Variants in FSIP2 observed in about 807,000 individuals in gnomAD.
FSIP2 encodes the protein fibrous sheath interacting protein 2, also known as fibrous sheath-interacting protein 2.
In FSIP2, 367 loss-of-function variants were observed where a neutral mutation model predicts 510.5. The observed-to-expected ratio is 0.72, with a 90% confidence interval of 0.66 to 0.78. FSIP2 has a LOEUF of 0.78. Ranked by LOEUF, FSIP2 falls within the 30% of genes least tolerant of loss-of-function variation. The pLI, the probability that FSIP2 is intolerant of heterozygous loss-of-function variation, is 0.00. For missense variants in FSIP2, 7,594 were observed against 7,901.7 expected (o/e 0.96, Z 1.48); for synonymous variants, 2,601 against 2,732.2 (o/e 0.95, Z 1.50).
intron 19 of FSIP2, among the ~76,000 whole-genome samples, chr2:185,822,757 C>T (rs868679238): frequency 6.6e-6 from 1 of 151,670 alleles, no homozygotes; most frequent in Non-Finnish European, 1.5e-5. Flanking sequence ...GGAAAACAAT[C>T]TTAAAATAGA....
chr2:185,826,799 T>C (rs1425700085), intron 20 of FSIP2, among the ~76,000 whole-genome samples: 1 of 151,816 alleles, frequency 6.6e-6, no homozygotes, highest in African/African-American at 2.4e-5. Flanking sequence ...ACAAGAATTC[T>C]TTTTTGGTTA....
intron 15 of FSIP2, among the ~76,000 whole-genome samples, 169 bp downstream of exon 15, chr2:185,786,457 T>C (rs78957533): frequency 1.8e-4 from 28 of 152,096 alleles, no homozygotes; most frequent in Admixed American, 3.3e-4. Flanking sequence ...TTAATTCTTA[T>C]ACTTTTCTGT....
chr2:185,824,369 C>CTGG, intron 19 of FSIP2, 65 bp from the exon 20 acceptor site: 1 of 1,067,166 alleles, frequency 9.4e-7, no homozygotes, highest in East Asian at 2.4e-5. Flanking sequence ...TGTTCTTTTG[C>CTGG]TTAACCAGTA....
In FSIP2 at chr2:185,806,723, C is replaced by T; in HGVS notation, c.17417C>T (p.Thr5806Ile). 1.7e-5 allele frequency: 28 copies of T among 1,609,704 alleles called. No individual in the cohort carries two copies. Among genetic ancestry groups the T allele is most frequent in the Non-Finnish European group, 2.4e-5 (28 of 1,178,036 alleles). The change falls in exon 17 of 23, where the codon ACA becomes ATA. Residue 5806 changes from threonine (T) to isoleucine (I), a missense_variant. By Grantham distance (89) the Thr-to-Ile change is moderately conservative (BLOSUM62 -1). Transcript: ENST00000424728. Reference protein sequence around the residue: ...KQLIFSSIPETQIQDRCQNVS... With the variant: ...KQLIFSSIPEIQIQDRCQNVS... ...TTGATCTTTTCTTCTATACCAGAAACACAAATACAAGATAGATGTCAAAAT... is the reference window on the plus strand; with the variant it reads ...TTGATCTTTTCTTCTATACCAGAAATACAAATACAAGATAGATGTCAAAAT...
chr2:185,775,990 C>G (rs1692708809), intron 13 of FSIP2, among the ~76,000 whole-genome samples: 1 of 152,122 alleles, frequency 6.6e-6, no homozygotes, highest in Non-Finnish European at 1.5e-5. Context: ...TTACATTGTG[C>G]TGGGTGCAGT....
In FSIP2 at chr2:185,792,155, A is replaced by G; in HGVS notation, c.5019A>G (p.Pro1673=). 1 of 1,533,048 alleles carries G rather than the reference A, an allele frequency of 6.5e-7. No individual in the cohort carries two copies. Among genetic ancestry groups the G allele is most frequent in the Non-Finnish European group, 8.7e-7 (1 of 1,145,114 alleles). The allele number at this position is 1,533,048 out of a possible 1,614,324, so 95.0% of individuals were successfully genotyped here. A position where few individuals can be genotyped will look rare whatever the true frequency, so the allele number is the denominator to read the frequency against. Residue 1673 remains proline, a synonymous_variant, in exon 16 of 23, where the codon CCA becomes CCG. Transcript: ENST00000424728. ...TGAAGACAAGTGTAGAAAACCCACC[A>G]CCTGAGACTCAAATACTTAAGTATG... ...SDLKTSVENP[P]PETQILKYVV...
At position 185,802,286 on chromosome 2, in the gene FSIP2, C is replaced by T. The variant is rs545563498; in HGVS notation, c.12980C>T (p.Thr4327Ile). Residue 4327 changes from threonine (T) to isoleucine (I), a missense_variant, in exon 17 of 23, where the codon ACT becomes ATT. Physicochemically the swap from Thr to Ile is moderately conservative, Grantham distance 89. Transcript: ENST00000424728. ...AAGATTTTCAGCCCAAAGCATAACA[C>T]TGAAATTGAGTTGAAAAACATGACC... ...LSKIFSPKHN[T>I]EIELKNMTQR... 13 of 1,533,754 alleles carry T rather than the reference C, an allele frequency of 8.5e-6. No individual in the cohort carries two copies. The East Asian group carries it at 1.7e-4, about 20-fold the overall frequency.
chr2:185,787,941 ATTTTATTTTAT>A (rs763996434), intron 15 of FSIP2: 4 of 151,308 alleles, frequency 2.6e-5, no homozygotes, highest in South Asian at 2.1e-4. Context: ...TATTTGTATT[ATTTTATTTTAT>A]TTTTATTTTA....
Position 185,792,640 on chromosome 2 carries a change from C to T in FSIP2, c.5504C>T (p.Ser1835Leu), listed in dbSNP as rs767059672. ...FMDKMMDPLLSEADITIVTDN... is the reference protein window; with the variant it reads ...FMDKMMDPLLLEADITIVTDN... ...GATAAAATGATGGATCCTTTACTTT[C>T]GGAAGCAGATATAACCATAGTAACA... Residue 1835 changes from serine (S) to leucine (L), a missense_variant, in exon 16 of 23, where the codon TCG (serine) becomes TTG (leucine). Transcript: ENST00000424728. 73 of 1,533,864 alleles carry T rather than the reference C, an allele frequency of 4.8e-5. No homozygotes were observed. The highest frequency in any genetic ancestry group is 4.5e-4 in the African/African-American group (33 of 72,842).
Position 185,795,166 on chromosome 2 carries a change from C to A in FSIP2, c.8030C>A (p.Thr2677Lys). ...RSKITTLPKF[T>K]KKTHLGLSAA... is the part of the protein sequence containing the mutation. ...AAAATTACCACTTTGCCTAAATTTA[C>A]AAAAAAAACACACTTAGGACTGAGT... Residue 2677 changes from threonine to lysine, a missense_variant, in exon 16 of 23, where the codon ACA becomes AAA. By Grantham distance (78) the Thr-to-Lys change is moderately conservative. Coordinates refer to ENST00000424728, the MANE Select transcript of FSIP2 (RefSeq NM_173651.4). 1 of 1,532,656 alleles carries A rather than the reference C, an allele frequency of 6.5e-7. No individual in the cohort carries two copies. The highest frequency in any genetic ancestry group is 8.7e-7 in the Non-Finnish European group (1 of 1,145,444). The allele number at this position is 1,532,656 out of a possible 1,614,324, so 94.9% of individuals were successfully genotyped here.
At chr2:185,797,561 G>C in intron 16 of FSIP2, 35 bp downstream of exon 16, 1 of 1,465,262 alleles carries the variant, frequency 6.8e-7, no homozygotes, top group Non-Finnish European at 8.9e-7. Flanking sequence ...AAATTTGCAT[G>C]ATTTAGGAAG....
chr2:185,761,949 CTCT>C lies in FSIP2; in HGVS notation c.1195-20_1195-18del. 1.5e-6 allele frequency: 2 copies of C among 1,363,394 alleles called. No homozygotes were observed. The highest frequency in any genetic ancestry group is 9.9e-7 in the Non-Finnish European group (1 of 1,006,968). 84.5% of individuals were successfully genotyped at this position (1,363,394 alleles called of 1,614,324 possible). ...AGTACAGTTACTAATGTAATTTTTT[CTCT>C]TCAATGTGGTACCATGTAGAGAGAT... On this transcript the variant is annotated intron_variant, in intron 10 of 22. Transcript: ENST00000424728.
At chr2:185,821,653 G>C (rs1693922073) in intron 19 of FSIP2, among the ~76,000 whole-genome samples, 1 of 151,900 alleles carries the variant, frequency 6.6e-6, no homozygotes, top group South Asian at 2.1e-4. Context: ...GCCAGGCACA[G>C]TGACTCATGC....
At position 185,804,793 on chromosome 2, in the gene FSIP2, A is replaced by G; in HGVS notation, c.15487A>G (p.Lys5163Glu). 1 of 1,532,892 alleles carries G rather than the reference A, an allele frequency of 6.5e-7. No individual in the cohort carries two copies. Among genetic ancestry groups the G allele is most frequent in the Non-Finnish European group, 8.7e-7 (1 of 1,144,808 alleles). 95.0% of individuals were successfully genotyped at this position (1,532,892 alleles called of 1,614,324 possible). The change falls in exon 17 of 23, where the codon AAA becomes GAA. Residue 5163 changes from lysine (K) to glutamate (E), a missense_variant. By Grantham distance (56) the Lys-to-Glu change is moderately conservative. Transcript: ENST00000424728. ...AASKLTDEIIKEISEHEIRLS... is the reference protein window; with the variant it reads ...AASKLTDEIIEEISEHEIRLS... ...TTCAAAATTGACTGATGAAATTATAAAAGAAATTTCTGAACATGAGATTCG... is the reference window on the plus strand; with the variant it reads ...TTCAAAATTGACTGATGAAATTATAGAAGAAATTTCTGAACATGAGATTCG...
intron 20 of FSIP2, among the ~76,000 whole-genome samples, chr2:185,825,748 G>C (rs1203310172): frequency 6.6e-6 from 1 of 151,880 alleles, no homozygotes; most frequent in East Asian, 2.0e-4. Context: ...GATTTGCTGA[G>C]TGTTTTCTTT....
Position 185,745,420 on chromosome 2 carries a change from C to A in FSIP2, c.478-9C>A, listed in dbSNP as rs769290148. On this transcript the variant is annotated splice_polypyrimidine_tract_variant and intron_variant, in intron 4 of 22. Transcript: ENST00000424728. The stretch of plus-strand genomic sequence containing the variant: ...TTATATATATGTAATACACACATTT[C>A]TTAAATAGAGAATACTTGCAAAACA... 6.6e-7 allele frequency: 1 copy of A among 1,507,014 alleles called. No homozygotes were observed. Among genetic ancestry groups the A allele is most frequent in the South Asian group, 1.2e-5 (1 of 82,596 alleles). 93.4% of individuals were successfully genotyped at this position (1,507,014 alleles called of 1,614,324 possible).
rs1389284466 is a variant in FSIP2, at chr2:185,794,723, C to G, written c.7587C>G (p.Asn2529Lys). 3 of 1,533,884 alleles carry G rather than the reference C, an allele frequency of 2.0e-6. No homozygotes were observed. Among genetic ancestry groups the G allele is most frequent in the Non-Finnish European group, 2.6e-6 (3 of 1,145,390 alleles). The change falls in exon 16 of 23, where the codon AAC (asparagine) becomes AAG (lysine). Residue 2529 changes from asparagine to lysine, a missense_variant. Physicochemically the swap from Asn to Lys is moderately conservative, Grantham distance 94. Coordinates refer to ENST00000424728, the MANE Select transcript of FSIP2 (RefSeq NM_173651.4). ...AAACATCAGACACAACACAGAAAAA[C>G]AGTTTTCAATCACATATTAACAGTG... ...KIKTSDTTQK[N>K]SFQSHINSVA...
chr2:185,789,161 T>C lies in FSIP2; in HGVS notation c.2025T>C (p.His675=), dbSNP rs1693058122. 6.5e-7 allele frequency: 1 copy of C among 1,534,924 alleles called. No homozygotes were observed. The highest frequency in any genetic ancestry group is 1.4e-5 in the African/African-American group (1 of 73,046). ...CAGATAGCTTAGGGAGTTCATTGCA[T>C]TGTGATAAAACAGCAAAAGCCATGG... ...TETDSLGSSL[H]CDKTAKAMDE... Residue 675 remains histidine, a synonymous_variant, in exon 16 of 23, where the codon CAT becomes CAC. Transcript: ENST00000424728.
Position 185,807,282 on chromosome 2 carries a change from A to G in FSIP2, c.17976A>G (p.Gln5992=), listed in dbSNP as rs746223512. The change falls in exon 17 of 23, where the codon CAA becomes CAG. Residue 5992 remains glutamine (Q), a synonymous_variant. Transcript: ENST00000424728. ...TTAAAAAGGTCCAAAAGTTGGCCCA[A>G]ACAGCCAGCAAAGAATGTCAAACTT... The part of the protein sequence containing the change: ...DVVKKVQKLA[Q]TASKECQTSS... 3.7e-5 allele frequency: 59 copies of G among 1,612,716 alleles called. No individual in the cohort carries two copies. Among genetic ancestry groups the G allele is most frequent in the Non-Finnish European group, 4.8e-5 (57 of 1,179,246 alleles).
Sources: gnomAD v4.1 joint callset for allele counts (sites outside exome capture counted in the v4.1 genomes callset) on GRCh38, gnomAD v4.1.1 for gene constraint, MANE v1.5 for transcripts, NCBI Gene and HGNC (gene_info 2026-07-23, HGNC 2026-07-21) for gene names.